Variants in ST3GAL3 observed in about 807,000 individuals in gnomAD.
The protein encoded by ST3GAL3 is ST3 beta-galactoside alpha-2,3-sialyltransferase 3.
A neutral mutation model predicts 50.1 loss-of-function variants in ST3GAL3; 21 were observed. That is an observed-to-expected ratio of 0.42 (90% CI 0.30 to 0.60). The LOEUF is 0.60. Among genes scored for constraint, ST3GAL3 ranks in the 20% least tolerant of loss-of-function variants. The pLI is 0.19. For missense variants in ST3GAL3, 353 were observed against 489.4 expected, an observed-to-expected ratio of 0.72 and a Z score of 2.63; for synonymous variants, 183 against 190.0, an observed-to-expected ratio of 0.96 and a Z score of 0.30.
chr1:43,739,355 GT>G (rs1679848610), intron 2 of ST3GAL3: 1 of 152,008 alleles, frequency 6.6e-6, no homozygotes, highest in African/African-American at 2.4e-5. Flanking sequence ...GGGACTACAG[GT>G]GTGCACCACC....
chr1:43,927,039 C>T (rs182891839), intron 11 of ST3GAL3, among the ~76,000 whole-genome samples: 1 of 152,248 alleles, frequency 6.6e-6, no homozygotes, highest in East Asian at 1.9e-4. Context: ...ACCATAAATA[C>T]TTCATTCAGG....
chr1:43,709,558 T>C (rs1663519115), intron 1 of ST3GAL3: 1 of 152,084 alleles, frequency 6.6e-6, no homozygotes, highest in South Asian at 2.1e-4. Context: ...AAAAAATTTT[T>C]TTTGTAGAGA....
intron 5 of ST3GAL3, among the ~76,000 whole-genome samples, chr1:43,870,161 C>T (rs1014031646): frequency 4.6e-5 from 7 of 152,222 alleles, no homozygotes; most frequent in Non-Finnish European, 8.8e-5. Flanking sequence ...TCAGTGTCTT[C>T]ATCTGTAAAT....
intron 2 of ST3GAL3, among the ~76,000 whole-genome samples, chr1:43,751,412 T>C (rs1686010176): frequency 6.6e-6 from 1 of 152,152 alleles, no homozygotes; most frequent in South Asian, 2.1e-4. Context: ...TGCACAGATA[T>C]ATGTACAGGT....
intron 5 of ST3GAL3, chr1:43,858,151 G>T (rs1179567707): frequency 6.2e-6 from 8 of 1,289,394 alleles, no homozygotes; most frequent in African/African-American, 1.5e-5. Context: ...GAGAAATGGT[G>T]CATGGAGACA....
intron 4 of ST3GAL3, among the ~76,000 whole-genome samples, chr1:43,829,894 C>T (rs967100344): frequency 2.6e-5 from 4 of 151,402 alleles, no homozygotes; most frequent in African/African-American, 9.7e-5. Flanking sequence ...AACTTAGGTT[C>T]CTTAGTGCAG....
At chr1:43,716,302 A>G (rs1431733871) in intron 1 of ST3GAL3, among the ~76,000 whole-genome samples, 1 of 152,212 alleles carries the variant, frequency 6.6e-6, no homozygotes, top group Non-Finnish European at 1.5e-5. Context: ...GAGAACAACA[A>G]CATTTTTGTA....
chr1:43,827,398 C>T (rs2062953861), intron 4 of ST3GAL3, among the ~76,000 whole-genome samples: 1 of 151,996 alleles, frequency 6.6e-6, no homozygotes, highest in African/African-American at 2.4e-5. Flanking sequence ...TGTGTTTGTG[C>T]ATAGATCCAT....
Position 43,721,366 on chromosome 1 carries a change from A to C in ST3GAL3, c.-31+13673A>C, listed in dbSNP as rs1248137236. The stretch of plus-strand genomic sequence containing the variant: ...GTTGCCCAGGCTGGAGTGCAATGGC[A>C]TGACCTTGGCTTACTGCAACCTCCA... On this transcript the variant is annotated intron_variant, in intron 1 of 11. Coordinates refer to ENST00000347631, the MANE Select transcript of ST3GAL3 (RefSeq NM_006279.5). Among the ~76,000 whole-genome samples the C allele has an allele frequency of 4.4e-5, 6 of 135,382 alleles. No homozygotes were observed. In the South Asian group the frequency reaches 1.4e-3, roughly 31 times the overall value. 88.8% of individuals were successfully genotyped at this position (135,382 alleles called of 152,430 possible).
intron 5 of ST3GAL3, among the ~76,000 whole-genome samples, chr1:43,891,983 G>T (rs770497872): frequency 5.3e-5 from 8 of 152,070 alleles, no homozygotes; most frequent in Non-Finnish European, 1.2e-4. Context: ...TCGCTCTGTC[G>T]CCCAGGCTGT....
intron 9 of ST3GAL3, chr1:43,912,770 G>C (rs1243777097): frequency 6.6e-6 from 1 of 152,234 alleles, no homozygotes; most frequent in African/African-American, 2.4e-5. Flanking sequence ...ATTGCTCCTG[G>C]ATGTTCTGAC....
intron 4 of ST3GAL3, among the ~76,000 whole-genome samples, chr1:43,834,488 G>T (rs2154194458): frequency 6.6e-6 from 1 of 152,290 alleles, no homozygotes; most frequent in South Asian, 2.1e-4. Flanking sequence ...GCCGAATCCA[G>T]CATTTAGTCC....
chr1:43,866,481 G>A (rs776302264), intron 5 of ST3GAL3, among the ~76,000 whole-genome samples: 15 of 152,082 alleles, frequency 9.9e-5, no homozygotes, highest in Admixed American at 2.6e-4. Context: ...CTACTCGAGA[G>A]GCTGAGGTGG....
At chr1:43,794,231 C>G (rs2058433216) in intron 3 of ST3GAL3, among the ~76,000 whole-genome samples, 1 of 152,148 alleles carries the variant, frequency 6.6e-6, no homozygotes, top group African/African-American at 2.4e-5. Flanking sequence ...AAAGGAGCAA[C>G]TCATTACAGA....
At chr1:43,912,834 T>C (rs2154288196) in intron 9 of ST3GAL3, 1 of 152,358 alleles carries the variant, frequency 6.6e-6, no homozygotes, top group Non-Finnish European at 1.5e-5. Flanking sequence ...ACAGGGGAGC[T>C]GGGTCCAGAC....
chr1:43,735,695 T>C (rs1226598761), intron 1 of ST3GAL3, among the ~76,000 whole-genome samples: 1 of 152,236 alleles, frequency 6.6e-6, no homozygotes, highest in African/African-American at 2.4e-5. Context: ...ATCCAGATTT[T>C]GGCCTTCAGA....
chr1:43,764,610 C>T (rs966611073), intron 2 of ST3GAL3, among the ~76,000 whole-genome samples: 3 of 152,182 alleles, frequency 2.0e-5, no homozygotes, highest in Non-Finnish European at 4.4e-5. Flanking sequence ...GGGGAAAAAT[C>T]GGGCCGTGAT....
At chr1:43,842,630 C>G (rs953293371) in intron 5 of ST3GAL3, 1 of 151,922 alleles carries the variant, frequency 6.6e-6, no homozygotes, top group Non-Finnish European at 1.5e-5. Flanking sequence ...CATGGTGAAA[C>G]CCCGTCTCTA....
At chr1:43,781,455 C>G (rs921313708) in intron 2 of ST3GAL3, among the ~76,000 whole-genome samples, 2 of 151,816 alleles carry the variant, frequency 1.3e-5, no homozygotes, top group Non-Finnish European at 2.9e-5. Flanking sequence ...ACTAAAAACA[C>G]AAAAAATTAG....
Sources: gnomAD v4.1 joint callset for allele counts (sites outside exome capture counted in the v4.1 genomes callset) on GRCh38, gnomAD v4.1.1 for gene constraint, MANE v1.5 for transcripts, NCBI Gene and HGNC (gene_info 2026-07-23, HGNC 2026-07-21) for gene names.